Variants in PCDHGB5 observed in about 807,000 individuals in gnomAD.
PCDHGB5 encodes protocadherin gamma subfamily B, 5.
In PCDHGB5, 48 loss-of-function variants were observed where a neutral mutation model predicts 62.9. That is an observed-to-expected ratio of 0.76 (90% CI 0.61 to 0.97). The LOEUF is 0.97. Among genes scored for constraint, PCDHGB5 ranks in the 50% least tolerant of loss-of-function variants. The pLI is 0.00. For missense variants in PCDHGB5, 1,118 were observed against 1,198.6 expected, an observed-to-expected ratio of 0.93 and a Z score of 0.99; for synonymous variants, 474 against 511.2, an observed-to-expected ratio of 0.93 and a Z score of 0.98.
At chr5:141,408,775 C>T (rs780901987) in intron 1 of PCDHGB5, 7 of 1,611,568 alleles carry the variant, frequency 4.3e-6, no homozygotes, top group Non-Finnish European at 5.9e-6. Context: ...GTGGCAAATA[C>T]CCAGAGTTAT....
At chr5:141,469,372 C>G (rs780872014) in intron 1 of PCDHGB5, among the ~76,000 whole-genome samples, 5 of 151,990 alleles carry the variant, frequency 3.3e-5, no homozygotes, top group Non-Finnish European at 5.9e-5. Flanking sequence ...GTAAAGAGAT[C>G]GAGACCATCC....
Position 141,489,065 on chromosome 5 carries a change from C to T in PCDHGB5, c.2398-5742C>T, listed in dbSNP as rs558074504. On this transcript the variant is annotated intron_variant, in intron 1 of 3. Coordinates refer to ENST00000617380, the MANE Select transcript of PCDHGB5 (RefSeq NM_018925.3). This position sits in a 1 kb window ranked among gnomAD's most constrained non-coding sequence, Gnocchi z 4.5. ...CCACTCAAATTCAGCTCCCCTCCCC[C>T]CTGCCCACCCCCGCCACTCGGTGAC... 3.3e-5 allele frequency: 13 copies of T among 388,932 alleles called. 1 individual carries two copies. Among genetic ancestry groups the T allele is most frequent in the African/African-American group, 8.5e-5 (4 of 47,158 alleles). 24.1% of individuals were successfully genotyped at this position (388,932 alleles called of 1,614,324 possible).
In PCDHGB5 at chr5:141,463,438, C is replaced by CTTT. The variant is rs71576115; in HGVS notation, c.2398-31343_2398-31341dup. ...GTTTGCGGATCCTCATTTCCTTCTC[C>CTTT]TTTTTTTTTTTTTTTTTTTTTTTTT... On this transcript the variant is annotated intron_variant, in intron 1 of 3. Coordinates refer to ENST00000617380, the MANE Select transcript of PCDHGB5 (RefSeq NM_018925.3). 5.0e-3 allele frequency among the ~76,000 whole-genome samples: 517 copies of CTTT among 103,248 alleles called. 61 individuals are homozygous for CTTT. The highest frequency in any genetic ancestry group is 0.017 in the African/African-American group (381 of 22,398). The allele number at this position is 103,248 out of a possible 152,430, so 67.7% of individuals were successfully genotyped here.
At chr5:141,434,875 A>G (rs2097725018) in intron 1 of PCDHGB5, among the ~76,000 whole-genome samples, 1 of 151,990 alleles carries the variant, frequency 6.6e-6, no homozygotes, top group African/African-American at 2.4e-5. Flanking sequence ...TGTGACAGAT[A>G]CCAACAACAA....
chr5:141,444,524 A>G (rs563709940), intron 1 of PCDHGB5, among the ~76,000 whole-genome samples: 47 of 152,224 alleles, frequency 3.1e-4, no homozygotes, highest in African/African-American at 1.1e-3. Context: ...AGTAGGTGAG[A>G]CAGTGACTGT....
intron 1 of PCDHGB5, chr5:141,412,079 T>C (rs148830663): frequency 3.3e-4 from 50 of 152,342 alleles, no homozygotes; most frequent in African/African-American, 1.1e-3. Context: ...GAACAATTGC[T>C]ACTGGGTTGA....
At position 141,487,855 on chromosome 5, in the gene PCDHGB5, A is replaced by G. The variant is rs1033833406; in HGVS notation, c.2398-6952A>G. The G allele has an allele frequency of 2.1e-6, 2 of 974,092 alleles. No homozygotes were observed. Among genetic ancestry groups the G allele is most frequent in the Non-Finnish European group, 3.0e-6 (2 of 668,870 alleles). The allele number at this position is 974,092 out of a possible 1,614,324, so 60.3% of individuals were successfully genotyped here. Reference sequence around the variant, plus strand: ...TATATCTGAGTAAGAAATGAAAGTAATTGGTGATCAAGAGCCAGGCTGTTG... The same window carrying G: ...TATATCTGAGTAAGAAATGAAAGTAGTTGGTGATCAAGAGCCAGGCTGTTG... On this transcript the variant is annotated intron_variant, in intron 1 of 3. Transcript: ENST00000617380. The surrounding 1 kb of genome is among the most constrained non-coding windows in gnomAD (Gnocchi z 5.0).
rs767330174 is a variant in PCDHGB5, at chr5:141,491,818, C to T, written c.2398-2989C>T. The T allele has an allele frequency of 1.6e-5, 24 of 1,481,560 alleles. No homozygotes were observed. The highest frequency in any genetic ancestry group is 1.9e-5 in the Non-Finnish European group (21 of 1,116,446). 91.8% of individuals were successfully genotyped at this position (1,481,560 alleles called of 1,614,324 possible). A position where few individuals can be genotyped will look rare whatever the true frequency, so the allele number is the denominator to read the frequency against. On this transcript the variant is annotated intron_variant, in intron 1 of 3. Transcript: ENST00000617380. This position sits in a 1 kb window ranked among gnomAD's most constrained non-coding sequence, Gnocchi z 6.9. ...CTCCGGCCGGCTTGGTCGCTGGCTGCGCTCCACCCGATTCTCGGGATCATT... is the reference window on the plus strand; with the variant it reads ...CTCCGGCCGGCTTGGTCGCTGGCTGTGCTCCACCCGATTCTCGGGATCATT...
chr5:141,408,839 A>T (rs1296339131), intron 1 of PCDHGB5: 24 of 1,613,642 alleles, frequency 1.5e-5, no homozygotes, highest in Non-Finnish European at 2.0e-5. Context: ...CTTGATATTG[A>T]CTGCCTTGGA....
intron 1 of PCDHGB5, among the ~76,000 whole-genome samples, chr5:141,406,072 C>CTTT (rs530474569): frequency 7.1e-6 from 1 of 141,484 alleles, no homozygotes. Flanking sequence ...ATTCTTACTC[C>CTTT]TTTTTTTTTT....
chr5:141,414,009 TGGA>T (rs2095701451), intron 1 of PCDHGB5: 2 of 1,612,964 alleles, frequency 1.2e-6, no homozygotes, highest in Middle Eastern at 1.7e-4. Context: ...AAGGTGCCAA[TGGA>T]GAAGTGACAT....
At chr5:141,497,050 G>T (rs113054804) in intron 2 of PCDHGB5, among the ~76,000 whole-genome samples, 5,544 of 152,084 alleles carry the variant, frequency 0.036, 137 homozygotes, top group South Asian at 0.074. Context: ...TTAGCCAGGC[G>T]TGGTGGCAGG....
chr5:141,477,656 C>A lies in PCDHGB5; in HGVS notation c.2398-17151C>A. ...AGTGGGTCGCTATTTCACAATAAAT[C>A]GTGACAATGGCATAGTGTCATCCTT... On this transcript the variant is annotated intron_variant, in intron 1 of 3. Transcript: ENST00000617380. The surrounding 1 kb of genome is among the most constrained non-coding windows in gnomAD (Gnocchi z 4.9). 1 of 1,614,184 alleles carries A rather than the reference C, an allele frequency of 6.2e-7. No homozygotes were observed.
At chr5:141,437,529 C>T (rs1205365959) in intron 1 of PCDHGB5, among the ~76,000 whole-genome samples, 1 of 152,102 alleles carries the variant, frequency 6.6e-6, no homozygotes, top group African/African-American at 2.4e-5. Flanking sequence ...GACAAATGAG[C>T]AAATTGTATC....
chr5:141,490,644 T>C lies in PCDHGB5; in HGVS notation c.2398-4163T>C. The C allele has an allele frequency of 6.2e-7, 1 of 1,614,188 alleles. No homozygotes were observed. Among genetic ancestry groups the C allele is most frequent in the Non-Finnish European group, 8.5e-7 (1 of 1,180,016 alleles). On this transcript the variant is annotated intron_variant, in intron 1 of 3. Coordinates refer to ENST00000617380, the MANE Select transcript of PCDHGB5 (RefSeq NM_018925.3). The surrounding 1 kb of genome is among the most constrained non-coding windows in gnomAD (Gnocchi z 5.4). Reference sequence around the variant, plus strand: ...CTGCTTACATCCTAGAAAACCGGCCTCCGGGCTCCCTTCTTTGCACTGTGG... The same window carrying C: ...CTGCTTACATCCTAGAAAACCGGCCCCCGGGCTCCCTTCTTTGCACTGTGG...
chr5:141,443,235 C>G (rs1182428300), intron 1 of PCDHGB5, among the ~76,000 whole-genome samples: 2 of 151,642 alleles, frequency 1.3e-5, no homozygotes, highest in East Asian at 1.9e-4. Flanking sequence ...AATCTTAGCA[C>G]TTTGGGGCGC....
At position 141,476,645 on chromosome 5, in the gene PCDHGB5, A is replaced by G. The variant is rs150444699; in HGVS notation, c.2398-18162A>G. The G allele has an allele frequency of 1.2e-4, 199 of 1,614,128 alleles. No homozygotes were observed. Among genetic ancestry groups the G allele is most frequent in the Non-Finnish European group, 1.6e-4 (194 of 1,180,060 alleles). ...TTTACAAACCTATGAGCTGAGCCGA[A>G]ATGAATACTTTGCGCTTCGCGTGCA... On this transcript the variant is annotated intron_variant, in intron 1 of 3. Transcript: ENST00000617380. The surrounding 1 kb of genome is among the most constrained non-coding windows in gnomAD (Gnocchi z 7.6).
Position 141,419,080 on chromosome 5 carries a change from T to G in PCDHGB5, c.2397+18556T>G, listed in dbSNP as rs1286490083. The G allele has an allele frequency of 3.1e-6, 5 of 1,613,842 alleles. No individual in the cohort carries two copies. The South Asian group carries it at 5.5e-5, about 18-fold the overall frequency. On this transcript the variant is annotated intron_variant, in intron 1 of 3. Transcript: ENST00000617380. ...ATAATTACTACAAGCTAGTAACAGA[T>G]GAGGCCCTGGATCGGGAGCAGACCC... is the stretch of plus-strand genomic sequence containing the variant.
At position 141,489,963 on chromosome 5, in the gene PCDHGB5, C is replaced by A. The variant is rs779260164; in HGVS notation, c.2398-4844C>A. On this transcript the variant is annotated intron_variant, in intron 1 of 3. Coordinates refer to ENST00000617380, the MANE Select transcript of PCDHGB5 (RefSeq NM_018925.3). This position sits in a 1 kb window ranked among gnomAD's most constrained non-coding sequence, Gnocchi z 4.5. Reference sequence around the variant, plus strand: ...TGGACATCAATGATAATGCTCCAACCTTCCAATCCTCAGTTCTACGTGTGG... The same window carrying A: ...TGGACATCAATGATAATGCTCCAACATTCCAATCCTCAGTTCTACGTGTGG... The A allele has an allele frequency of 8.1e-6, 13 of 1,614,184 alleles. No homozygotes were observed. In the East Asian group the frequency reaches 2.2e-4, roughly 28 times the overall value.
Sources: gnomAD v4.1 joint callset for allele counts (sites outside exome capture counted in the v4.1 genomes callset) on GRCh38, gnomAD v4.1.1 for gene constraint, Gnocchi (gnomAD v3.1) non-coding constraint, MANE v1.5 for transcripts, NCBI Gene and HGNC (gene_info 2026-07-23, HGNC 2026-07-21) for gene names.